Variants in LYPLAL1 observed in about 807,000 individuals in gnomAD.
The protein encoded by LYPLAL1 is lysophospholipase like 1.
LYPLAL1 carries 23 observed loss-of-function variants against 19.7 expected under a neutral mutation model. That is an observed-to-expected ratio of 1.17 (90% CI 0.84 to 1.65). The LOEUF (loss-of-function observed/expected upper bound fraction) is 1.65. Ranked by LOEUF, LYPLAL1 falls within the 40% of genes most tolerant of loss-of-function variation. The pLI, the probability that LYPLAL1 is intolerant of heterozygous loss-of-function variation, is 0.00. For missense variants in LYPLAL1, 355 were observed against 279.4 expected, an observed-to-expected ratio of 1.27 and a Z score of -1.93; for synonymous variants, 119 against 96.3, an observed-to-expected ratio of 1.24 and a Z score of -1.38.
the LYPLAL1 span, among the ~76,000 whole-genome samples, chr1:219,337,144 AT>A: frequency 7.5e-6 from 1 of 133,432 alleles, no homozygotes; most frequent in Non-Finnish European, 1.8e-5. Context: ...AAATCTCGTG[AT>A]TACATTGGGC....
chr1:219,413,842 A>G, the LYPLAL1 span, among the ~76,000 whole-genome samples: 3 of 152,250 alleles, frequency 2.0e-5, no homozygotes, highest in Non-Finnish European at 1.5e-5. Context: ...CCCACAATCC[A>G]ATCATATTAT....
chr1:219,440,785 G>T, the LYPLAL1 span, among the ~76,000 whole-genome samples: 1 of 152,098 alleles, frequency 6.6e-6, no homozygotes, highest in South Asian at 2.1e-4. Flanking sequence ...AGGATTCCAG[G>T]TAACAAATTT....
chr1:219,345,653 G>T, the LYPLAL1 span, among the ~76,000 whole-genome samples: 1 of 152,140 alleles, frequency 6.6e-6, no homozygotes, highest in African/African-American at 2.4e-5. Context: ...GGAGATCTGG[G>T]GTGGGTGAGG....
At chr1:219,231,412 T>C in the LYPLAL1 span, among the ~76,000 whole-genome samples, 2 of 152,224 alleles carry the variant, frequency 1.3e-5, no homozygotes, top group Non-Finnish European at 2.9e-5. Flanking sequence ...TAAAAATATT[T>C]GTATTTTCTA....
the LYPLAL1 span, among the ~76,000 whole-genome samples, chr1:219,324,146 C>T: frequency 6.6e-6 from 1 of 152,140 alleles, no homozygotes; most frequent in Non-Finnish European, 1.5e-5. Context: ...CAGAATGTGA[C>T]CAGATGGTTG....
chr1:219,175,885 T>G (rs1030888071), intron 1 of LYPLAL1, among the ~76,000 whole-genome samples: 8 of 152,230 alleles, frequency 5.3e-5, no homozygotes, highest in African/African-American at 1.7e-4. Flanking sequence ...CAATTCTGTT[T>G]TATCACACTC....
intron 2 of LYPLAL1, among the ~76,000 whole-genome samples, chr1:219,184,640 C>G (rs1656577314): frequency 6.6e-6 from 1 of 151,722 alleles, no homozygotes; most frequent in African/African-American, 2.4e-5. Flanking sequence ...GCCTAATTAG[C>G]TGAGAGGTTT....
chr1:219,443,736 C>A, the LYPLAL1 span, among the ~76,000 whole-genome samples: 3 of 150,152 alleles, frequency 2.0e-5, no homozygotes, highest in Admixed American at 1.3e-4. Context: ...TTGAAATAAA[C>A]ATCAAAATAA....
At chr1:219,395,885 C>T in the LYPLAL1 span, among the ~76,000 whole-genome samples, 3 of 152,172 alleles carry the variant, frequency 2.0e-5, no homozygotes, top group Admixed American at 6.5e-5. Flanking sequence ...AGGCGGATCA[C>T]GAGCTCAGGA....
the LYPLAL1 span, among the ~76,000 whole-genome samples, chr1:219,259,457 A>T: frequency 0.46 from 69,070 of 148,918 alleles, 16,403 homozygotes; most frequent in East Asian, 0.66. Flanking sequence ...ATACTACTCA[A>T]CCATATAAAG....
chr1:219,399,017 G>A, the LYPLAL1 span, among the ~76,000 whole-genome samples: 31 of 152,332 alleles, frequency 2.0e-4, no homozygotes, highest in Admixed American at 9.1e-4. Flanking sequence ...AGTGTGATCC[G>A]TCCTCATTTG....
chr1:219,188,790 A>T (rs1425998667), intron 2 of LYPLAL1, among the ~76,000 whole-genome samples: 2 of 151,682 alleles, frequency 1.3e-5, no homozygotes, highest in Non-Finnish European at 3.0e-5. Context: ...TTCTTTGCCA[A>T]ACATATTTAT....
At chr1:219,294,174 T>A in the LYPLAL1 span, among the ~76,000 whole-genome samples, 47 of 152,198 alleles carry the variant, frequency 3.1e-4, no homozygotes, top group African/African-American at 1.1e-3. Flanking sequence ...ACTCAATCTA[T>A]CCTGAAGATG....
chr1:219,257,352 A>G, the LYPLAL1 span, among the ~76,000 whole-genome samples: 3 of 70,930 alleles, frequency 4.2e-5, no homozygotes, highest in African/African-American at 4.4e-5. Context: ...CATCCATACC[A>G]GTTTTTGTTT....
the LYPLAL1 span, among the ~76,000 whole-genome samples, chr1:219,439,974 C>CACATATATATACAT: frequency 1.0e-5 from 1 of 100,180 alleles, no homozygotes; most frequent in African/African-American, 4.4e-5. Flanking sequence ...TATATATATA[C>CACATATATATACAT]ATATATATAT....
the LYPLAL1 span, among the ~76,000 whole-genome samples, chr1:219,386,022 G>A: frequency 6.6e-6 from 1 of 152,200 alleles, no homozygotes; most frequent in East Asian, 1.9e-4. Flanking sequence ...CTAGTGGATG[G>A]GGGACTCCAA....
chr1:219,328,007 G>A, the LYPLAL1 span, among the ~76,000 whole-genome samples: 1 of 152,116 alleles, frequency 6.6e-6, no homozygotes, highest in Non-Finnish European at 1.5e-5. Context: ...ACTAAAAACT[G>A]TTCTTTCAAG....
the LYPLAL1 span, among the ~76,000 whole-genome samples, chr1:219,403,518 C>T: frequency 0.064 from 9,765 of 152,144 alleles, 438 homozygotes; most frequent in South Asian, 0.092. Context: ...ATGTAAAAGA[C>T]GCGGCAGGAA....
chr1:219,353,123 CCTTT>C, the LYPLAL1 span, among the ~76,000 whole-genome samples: 1 of 152,166 alleles, frequency 6.6e-6, no homozygotes, highest in South Asian at 2.1e-4. Context: ...AGGATGTAAG[CCTTT>C]CTATCACCTC....
Sources: gnomAD v4.1 joint callset for allele counts (sites outside exome capture counted in the v4.1 genomes callset) on GRCh38, gnomAD v4.1.1 for gene constraint, MANE v1.5 for transcripts, NCBI Gene and HGNC (gene_info 2026-07-23, HGNC 2026-07-21) for gene names.